The following ANKS1A variants were observed in gnomAD, a reference collection of about 807,000 sequenced individuals.
ANKS1A encodes ankyrin repeat and SAM domain-containing protein 1A.
Under a neutral mutation model 120.3 loss-of-function variants are expected in ANKS1A, and 55 were observed. That is an observed-to-expected ratio of 0.46 (90% confidence interval 0.37 to 0.57). The LOEUF is 0.57. Among genes scored for constraint, ANKS1A ranks in the 20% least tolerant of loss-of-function variants. ANKS1A has a pLI of 0.00. For missense variants in ANKS1A, 1,123 were observed against 1,480.3 expected, an observed-to-expected ratio of 0.76 and a Z score of 3.96; for synonymous variants, 590 against 604.7, an observed-to-expected ratio of 0.98 and a Z score of 0.36.
Position 35,084,105 on chromosome 6 carries a change from C to T in ANKS1A, c.2995-16C>T, listed in dbSNP as rs761390198. ...GCCTGAGCCTGAGAATTCCAGAACACGGCTTTCCCCAGCAGAACGTCATTG... is the reference window on the plus strand; with the variant it reads ...GCCTGAGCCTGAGAATTCCAGAACATGGCTTTCCCCAGCAGAACGTCATTG... On this transcript the variant is annotated splice_polypyrimidine_tract_variant and intron_variant, in intron 20 of 23. Transcript: ENST00000360359. The surrounding 1 kb of genome is among the most constrained non-coding windows in gnomAD (Gnocchi z 4.8). 1.3e-5 allele frequency: 21 copies of T among 1,613,518 alleles called. No individual in the cohort carries two copies. Among genetic ancestry groups the T allele is most frequent in the South Asian group, 9.9e-5 (9 of 91,024 alleles).
At position 35,064,324 on chromosome 6, in the gene ANKS1A, G is replaced by A. The variant is rs61428004; in HGVS notation, c.2184+4071G>A. Among the ~76,000 whole-genome samples, 1,500 of 152,322 alleles carry A rather than the reference G, an allele frequency of 9.8e-3. 26 individuals are homozygous for A. The highest frequency in any genetic ancestry group is 0.033 in the African/African-American group (1,378 of 41,560). ...CTGGCAGCAGGCTCAGGAAGGGTTA[G>A]AAATGGATACTGAGTCGGCCAGGCC... On this transcript the variant is annotated intron_variant, in intron 13 of 23. Transcript: ENST00000360359.
At position 35,088,678 on chromosome 6, in the gene ANKS1A, G is replaced by A. The variant is rs1336764044; in HGVS notation, c.*69G>A. 20 of 1,613,208 alleles carry A rather than the reference G, an allele frequency of 1.2e-5. No homozygotes were observed. Among genetic ancestry groups the A allele is most frequent in the East Asian group, 6.7e-5 (3 of 44,864 alleles). ...GGCATAGGCTCCCACTGCCACCACC[G>A]CCATCGCCTCACCTGCAGCTCTGAA... On this transcript the variant is annotated 3_prime_UTR_variant, in exon 24 of 24. Transcript: ENST00000360359.
At chr6:34,971,902 G>GAGGAT (rs1231831900) in intron 3 of ANKS1A, among the ~76,000 whole-genome samples, 1 of 152,196 alleles carries the variant, frequency 6.6e-6, no homozygotes, top group Non-Finnish European at 1.5e-5. Context: ...AATCATCAGT[G>GAGGAT]AGGATGTTTG....
rs188447046 is a variant in ANKS1A, at chr6:35,058,022, G to A, written c.2078-2125G>A. On this transcript the variant is annotated intron_variant, in intron 12 of 23. Transcript: ENST00000360359. The surrounding 1 kb of genome is among the most constrained non-coding windows in gnomAD (Gnocchi z 5.1). ...CATATGCATTTGTGCAGCCAACATC[G>A]GCTATTGGGAAATCTGTCATTTCGC... is the stretch of plus-strand genomic sequence containing the variant. Among the ~76,000 whole-genome samples the A allele has an allele frequency of 6.6e-5, 10 of 152,296 alleles. No individual in the cohort carries two copies. In the East Asian group the frequency reaches 9.6e-4, roughly 15 times the overall value.
At chr6:35,030,743 G>A (rs1774868535) in intron 11 of ANKS1A, among the ~76,000 whole-genome samples, 1 of 152,122 alleles carries the variant, frequency 6.6e-6, no homozygotes, top group Admixed American at 6.6e-5. Flanking sequence ...GGTCATGCAT[G>A]CAGTCCTCCA....
chr6:35,041,516 A>G (rs1452394981), intron 11 of ANKS1A, among the ~76,000 whole-genome samples: 2 of 152,136 alleles, frequency 1.3e-5, no homozygotes, highest in Admixed American at 1.3e-4. Flanking sequence ...CATAATTGCA[A>G]CTTGCAAGAC....
At chr6:34,952,083 A>G (rs1770117980) in intron 1 of ANKS1A, among the ~76,000 whole-genome samples, 1 of 152,212 alleles carries the variant, frequency 6.6e-6, no homozygotes, top group African/African-American at 2.4e-5. Flanking sequence ...ATGGTGGTGA[A>G]GATTTTGAGT....
chr6:35,005,682 A>G, intron 10 of ANKS1A: 1 of 437,568 alleles, frequency 2.3e-6, no homozygotes, highest in Non-Finnish European at 4.5e-6. Context: ...CATTAAAATG[A>G]ATTTGTATTT....
At position 35,054,162 on chromosome 6, in the gene ANKS1A, T is replaced by C. The variant is rs769911128; in HGVS notation, c.2074T>C (p.Ser692Pro). 3 of 1,613,982 alleles carry C rather than the reference T, an allele frequency of 1.9e-6. No homozygotes were observed. The highest frequency in any genetic ancestry group is 2.5e-6 in the Non-Finnish European group (3 of 1,179,876). ...CTTTTCTCAGGAACGGCAGAAGATC[T>C]CAGGTACCGTACTAAGTGGCCATTT... Reference protein sequence around the residue: ...IDFSQERQKISGLRTLEQSVG... With the variant: ...IDFSQERQKIPGLRTLEQSVG... Residue 692 changes from serine (S) to proline (P), a missense_variant, in exon 12 of 24, where the codon TCA (serine) becomes CCA (proline). By Grantham distance (74) the Ser-to-Pro change is moderately conservative. Transcript: ENST00000360359.
chr6:35,060,146 G>C lies in ANKS1A; in HGVS notation c.2078-1G>C. On this transcript the variant is annotated splice_acceptor_variant, in intron 12 of 23. Transcript: ENST00000360359. LOFTEE classifies it high-confidence loss of function. The surrounding 1 kb of genome is among the most constrained non-coding windows in gnomAD (Gnocchi z 4.5). ...GCGTCTGCCGATTCCTCTCTCATCA[G>C]GTTTACGGACGCTGGAGCAGAGTGT... 1 of 1,612,996 alleles carries C rather than the reference G, an allele frequency of 6.2e-7. No homozygotes were observed. Among genetic ancestry groups the C allele is most frequent in the East Asian group, 2.2e-5 (1 of 44,862 alleles).
At chr6:35,076,830 A>G (rs992236477) in intron 13 of ANKS1A, among the ~76,000 whole-genome samples, 2 of 151,828 alleles carry the variant, frequency 1.3e-5, no homozygotes, top group African/African-American at 2.4e-5. Flanking sequence ...AGGTTTCACA[A>G]TGCTGGCCAG....
intron 1 of ANKS1A, among the ~76,000 whole-genome samples, chr6:34,932,302 C>T (rs978578341): frequency 3.3e-5 from 5 of 152,368 alleles, no homozygotes; most frequent in Admixed American, 3.3e-4. Flanking sequence ...TCTCCTGCCT[C>T]AGCCTGCCGA....
chr6:34,930,556 T>G lies in ANKS1A; in HGVS notation c.198-36683T>G, dbSNP rs138143460. On this transcript the variant is annotated intron_variant, in intron 1 of 23. Transcript: ENST00000360359. ...GGATGTTAATGTTTACCACATAGAG[T>G]TACATTAGGGTTGAGCGAGATGTCC... Among the ~76,000 whole-genome samples the G allele has an allele frequency of 3.9e-3, 601 of 152,260 alleles. 1 individual carries two copies. Among genetic ancestry groups the G allele is most frequent in the South Asian group, 0.018 (88 of 4,822 alleles).
chr6:34,917,480 C>T (rs1180803405), intron 1 of ANKS1A, among the ~76,000 whole-genome samples: 1 of 152,162 alleles, frequency 6.6e-6, no homozygotes, highest in Non-Finnish European at 1.5e-5. Flanking sequence ...TTCCTATGAC[C>T]ACTGTGTAGC....
chr6:35,070,694 C>T (rs1332065908), intron 13 of ANKS1A, among the ~76,000 whole-genome samples: 1 of 151,874 alleles, frequency 6.6e-6, no homozygotes, highest in South Asian at 2.1e-4. Context: ...CCGTGTTAGC[C>T]TGGATGGTCT....
downstream of ANKS1A, among the ~76,000 whole-genome samples, chr6:35,093,980 G>A (rs534516481): frequency 2.6e-5 from 4 of 152,280 alleles, no homozygotes; most frequent in South Asian, 6.2e-4. Context: ...TGCTGCTCCC[G>A]CCTTGGGAGT....
chr6:35,018,128 G>T, intron 11 of ANKS1A, 69 bp downstream of exon 11: 1 of 1,481,334 alleles, frequency 6.8e-7, no homozygotes, highest in South Asian at 1.3e-5. Flanking sequence ...CAGCTCCCGT[G>T]AGTGCCAACT....
chr6:35,038,431 A>T (rs1014896250), intron 11 of ANKS1A, among the ~76,000 whole-genome samples: 7 of 152,162 alleles, frequency 4.6e-5, no homozygotes, highest in African/African-American at 1.4e-4. Context: ...TGCTGATGGT[A>T]TTTGATTGCC....
intron 1 of ANKS1A, among the ~76,000 whole-genome samples, chr6:34,937,829 T>A (rs780205105): frequency 8.5e-5 from 13 of 152,216 alleles, no homozygotes; most frequent in Non-Finnish European, 1.9e-4. Flanking sequence ...AGAATTAATC[T>A]ACAGTGTCTA....
Sources: allele counts gnomAD v4.1 joint callset (sites outside exome capture counted in the v4.1 genomes callset), GRCh38; gene constraint gnomAD v4.1.1; non-coding constraint Gnocchi (gnomAD v3.1); transcripts MANE v1.5; gene names NCBI Gene and HGNC (gene_info 2026-07-23, HGNC 2026-07-21).